Variants in CELF2 observed in about 807,000 individuals in gnomAD.
CELF2 encodes the protein CUG triplet repeat RNA-binding protein 2.
CELF2 carries 8 observed loss-of-function variants against 62.6 expected under a neutral mutation model. That is an observed-to-expected ratio of 0.13 (90% CI 0.07 to 0.23). The LOEUF is 0.23. Ranked by LOEUF, CELF2 falls within the 10% of genes least tolerant of loss-of-function variation. The pLI is 1.00. For missense variants in CELF2, 333 were observed against 671.0 expected (o/e 0.50, Z 5.56); for synonymous variants, 258 against 250.0 (o/e 1.03, Z -0.30).
At chr10:10,768,121 A>G in the CELF2 span, among the ~76,000 whole-genome samples, 8 of 148,128 alleles carry the variant, frequency 5.4e-5, no homozygotes, top group East Asian at 2.0e-4. Context: ...AGCTGAGACC[A>G]CGCCACTGCA....
the CELF2 span, chr10:10,792,575 G>C: frequency 2.5e-6 from 1 of 394,558 alleles, no homozygotes. Context: ...GCCATTCAAA[G>C]AAAAACAAAA....
chr10:11,119,980 C>T (rs866487126), intron 1 of CELF2, among the ~76,000 whole-genome samples: 8 of 151,534 alleles, frequency 5.3e-5, no homozygotes, highest in Admixed American at 2.6e-4. Context: ...GTGCAACTTC[C>T]GCCACAACCC....
rs549690142 is a variant in CELF2 at position 11,306,626 on chromosome 10, G to A, written c.977-7513G>A. Among the ~76,000 whole-genome samples the A allele has an allele frequency of 7.9e-5, 12 of 152,308 alleles. No individual in the cohort carries two copies. The highest frequency in any genetic ancestry group is 4.1e-4 in the South Asian group (2 of 4,828). On this transcript the variant is annotated intron_variant, in intron 9 of 12. Coordinates refer to ENST00000633077, the MANE Select transcript of CELF2 (RefSeq NM_001326342.2). The surrounding 1 kb of genome is among the most constrained non-coding windows in gnomAD (Gnocchi z 4.4). ...AAAACTACCCTCTTACAACTGAGATGCCAGTTGGGGTGAATTTTCAAAGTA... is the reference window on the plus strand; with the variant it reads ...AAAACTACCCTCTTACAACTGAGATACCAGTTGGGGTGAATTTTCAAAGTA...
chr10:11,268,833 A>T lies in CELF2; in HGVS notation c.619-1833A>T, dbSNP rs2082904448. 6.6e-6 allele frequency among the ~76,000 whole-genome samples: 1 copy of T among 152,216 alleles called. No individual in the cohort carries two copies. Among genetic ancestry groups the T allele is most frequent in the Non-Finnish European group, 1.5e-5 (1 of 68,036 alleles). On this transcript the variant is annotated intron_variant, in intron 6 of 12. Coordinates refer to ENST00000633077, the MANE Select transcript of CELF2 (RefSeq NM_001326342.2). This position sits in a 1 kb window ranked among gnomAD's most constrained non-coding sequence, Gnocchi z 4.7. The stretch of plus-strand genomic sequence containing the variant: ...TGGCATACATCTTTAACCAAGATGT[A>T]TTACCTAATTCACAATGATGTGAAT...
rs961874856 is a variant in CELF2 at position 11,220,223 on chromosome 10, A to G, written c.354+2716A>G. 6.6e-6 allele frequency among the ~76,000 whole-genome samples: 1 copy of G among 152,224 alleles called. No individual in the cohort carries two copies. The highest frequency in any genetic ancestry group is 2.4e-5 in the African/African-American group (1 of 41,458). On this transcript the variant is annotated intron_variant, in intron 3 of 12. Transcript: ENST00000633077. This position sits in a 1 kb window ranked among gnomAD's most constrained non-coding sequence, Gnocchi z 4.4. ...AAACTTTCGATTTAAAACAAGATCA[A>G]ATAATGCTAGGGTTTTTTCCGATGT...
At chr10:10,943,865 G>A (rs573508145) in intron 2 of CELF2, among the ~76,000 whole-genome samples, 1 of 149,862 alleles carries the variant, frequency 6.7e-6, no homozygotes, top group Non-Finnish European at 1.5e-5. Flanking sequence ...GCCTCCCTAA[G>A]TGCTGAGATT....
chr10:10,594,717 T>A, the CELF2 span, among the ~76,000 whole-genome samples: 6 of 152,208 alleles, frequency 3.9e-5, no homozygotes, highest in Admixed American at 1.3e-4. Flanking sequence ...GGGTACTAAG[T>A]CAGTGCTTTT....
chr10:11,215,178 TA>T (rs1372512817), intron 2 of CELF2, among the ~76,000 whole-genome samples: 1 of 152,242 alleles, frequency 6.6e-6, no homozygotes, highest in East Asian at 1.9e-4. Context: ...TACACCTTCC[TA>T]GTGGACTCTC....
chr10:10,975,450 G>GAT (rs1388710247), intron 2 of CELF2, among the ~76,000 whole-genome samples: 1 of 152,140 alleles, frequency 6.6e-6, no homozygotes, highest in Admixed American at 6.6e-5. Context: ...TTGTTTAAAT[G>GAT]ATTGATTTTC....
the CELF2 span, among the ~76,000 whole-genome samples, chr10:10,747,899 AT>A: frequency 6.6e-6 from 1 of 152,080 alleles, no homozygotes; most frequent in African/African-American, 2.4e-5. Flanking sequence ...CTTAGTAGAG[AT>A]GGGGTTTCAC....
In CELF2 at chr10:11,177,567, C is replaced by T. The variant is rs538855145; in HGVS notation, c.271+11885C>T. On this transcript the variant is annotated intron_variant, in intron 2 of 12. Coordinates refer to ENST00000633077, the MANE Select transcript of CELF2 (RefSeq NM_001326342.2). This position sits in a 1 kb window ranked among gnomAD's most constrained non-coding sequence, Gnocchi z 4.8. ...GGAAATGGACTTTTCCTTTGCATTT[C>T]CATGAGTCAGGGAGAAAACAGACCA... Among the ~76,000 whole-genome samples, 1 of 152,304 alleles carries T rather than the reference C, an allele frequency of 6.6e-6. No individual in the cohort carries two copies. Among genetic ancestry groups the T allele is most frequent in the Non-Finnish European group, 1.5e-5 (1 of 68,024 alleles).
the CELF2 span, among the ~76,000 whole-genome samples, chr10:10,594,576 C>A: frequency 6.6e-6 from 1 of 151,978 alleles, no homozygotes; most frequent in African/African-American, 2.4e-5. Context: ...GAAGCAGCAG[C>A]AATTCAAGAC....
At chr10:10,932,692 G>GTA (rs1189865860) in intron 2 of CELF2, among the ~76,000 whole-genome samples, 1 of 148,554 alleles carries the variant, frequency 6.7e-6, no homozygotes, top group African/African-American at 2.5e-5. Context: ...GTGTGTGTGT[G>GTA]TGTATATATA....
At chr10:10,472,292 A>G in the CELF2 span, among the ~76,000 whole-genome samples, 1 of 151,678 alleles carries the variant, frequency 6.6e-6, no homozygotes, top group South Asian at 2.1e-4. Flanking sequence ...TATCCTCTTT[A>G]TTCTTCAAAT....
At chr10:10,527,810 C>T in the CELF2 span, among the ~76,000 whole-genome samples, 1 of 152,222 alleles carries the variant, frequency 6.6e-6, no homozygotes, top group East Asian at 1.9e-4. Context: ...ATACACAGGG[C>T]CAAGCTTTAG....
intron 1 of CELF2, among the ~76,000 whole-genome samples, chr10:10,854,925 C>T (rs1025437363): frequency 6.6e-6 from 1 of 151,906 alleles, no homozygotes; most frequent in Non-Finnish European, 1.5e-5. Context: ...TCTGAGCCAG[C>T]GTCCACCTGT....
chr10:11,238,086 G>C (rs113277878), intron 3 of CELF2, among the ~76,000 whole-genome samples: 9 of 152,214 alleles, frequency 5.9e-5, no homozygotes, highest in Non-Finnish European at 1.5e-5. Flanking sequence ...AAGATCTGGA[G>C]AACATCTGGA....
chr10:11,079,741 GCC>G (rs11333486), intron 1 of CELF2, among the ~76,000 whole-genome samples: 11 of 110,738 alleles, frequency 9.9e-5, no homozygotes, highest in South Asian at 5.1e-4. Flanking sequence ...GACTAATACA[GCC>G]CCCCCCCCCT....
the CELF2 span, among the ~76,000 whole-genome samples, chr10:10,628,279 CTCA>C: frequency 0.29 from 44,591 of 151,930 alleles, 8,123 homozygotes; most frequent in South Asian, 0.57. Flanking sequence ...TATCAGTATC[CTCA>C]TGTCTCTAGA....
Sources: allele counts gnomAD v4.1 joint callset (sites outside exome capture counted in the v4.1 genomes callset), GRCh38; gene constraint gnomAD v4.1.1; non-coding constraint Gnocchi (gnomAD v3.1); transcripts MANE v1.5; gene names NCBI Gene and HGNC (gene_info 2026-07-23, HGNC 2026-07-21).